Variants in CACNA2D1 observed in about 807,000 individuals in gnomAD.
CACNA2D1 encodes calcium voltage-gated channel auxiliary subunit alpha2delta 1.
CACNA2D1 carries 53 observed loss-of-function variants against 171.5 expected under a neutral mutation model. The observed-to-expected ratio is 0.31, with a 90% confidence interval of 0.25 to 0.39. The LOEUF (loss-of-function observed/expected upper bound fraction) is 0.39, where lower values mean the gene tolerates loss of function less well. Ranked by LOEUF, CACNA2D1 falls within the 10% of genes least tolerant of loss-of-function variation. CACNA2D1 has a pLI of 1.00. For missense variants in CACNA2D1, 903 were observed against 1,299.8 expected, an observed-to-expected ratio of 0.69 and a Z score of 4.69; for synonymous variants, 442 against 443.1, an observed-to-expected ratio of 1.00 and a Z score of 0.03.
intron 1 of CACNA2D1, among the ~76,000 whole-genome samples, chr7:82,417,183 T>TG (rs1828265439): frequency 6.6e-6 from 1 of 152,286 alleles, no homozygotes; most frequent in South Asian, 2.1e-4. Flanking sequence ...GATGTATTAG[T>TG]GAGATAGCCT....
intron 7 of CACNA2D1, among the ~76,000 whole-genome samples, chr7:82,068,301 C>A (rs1296286489): frequency 6.6e-6 from 1 of 152,040 alleles, no homozygotes; most frequent in African/African-American, 2.4e-5. Context: ...CAAGGAAAGA[C>A]CTGGAACCTC....
chr7:82,391,019 T>C (rs1825060151), intron 1 of CACNA2D1, among the ~76,000 whole-genome samples: 1 of 151,940 alleles, frequency 6.6e-6, no homozygotes, highest in Non-Finnish European at 1.5e-5. Context: ...GTAGACAGTG[T>C]GGAAAGGCAG....
At chr7:81,956,324 G>T (rs1048711085) in intron 38 of CACNA2D1, among the ~76,000 whole-genome samples, 1 of 151,888 alleles carries the variant, frequency 6.6e-6, no homozygotes, top group Non-Finnish European at 1.5e-5. Context: ...GCCTACTCAA[G>T]AGCAATACTT....
At position 81,961,937 on chromosome 7, in the gene CACNA2D1, T is replaced by C. The variant is rs1331324030; in HGVS notation, c.2923A>G (p.Ser975Gly). Residue 975 changes from serine (S) to glycine (G), a missense_variant, in exon 36 of 39, where the codon AGT becomes GGT. By Grantham distance (56) the Ser-to-Gly change is moderately conservative. Transcript: ENST00000356860. ...EQTQYFFDND[S>G]KSFSGVLDCG... ...TCTAATACACCACTGAATGATTTAC[T>C]GTCGTTATCGAAGAAATACTGGGTT... 9 of 1,611,454 alleles carry C rather than the reference T, an allele frequency of 5.6e-6. No individual in the cohort carries two copies. Among genetic ancestry groups the C allele is most frequent in the South Asian group, 3.3e-5 (3 of 91,030 alleles).
chr7:82,178,442 T>G (rs1197841703), intron 3 of CACNA2D1, among the ~76,000 whole-genome samples: 1 of 152,100 alleles, frequency 6.6e-6, no homozygotes, highest in Non-Finnish European at 1.5e-5. Context: ...GTTGTCCAAA[T>G]GAATATAATT....
chr7:82,306,170 T>C (rs1171943897), intron 3 of CACNA2D1, among the ~76,000 whole-genome samples: 1 of 152,200 alleles, frequency 6.6e-6, no homozygotes, highest in African/African-American at 2.4e-5. Flanking sequence ...TTGTTTTATG[T>C]CCCTGAGAGT....
At chr7:82,310,051 A>G (rs1268328952) in intron 3 of CACNA2D1, among the ~76,000 whole-genome samples, 1 of 152,150 alleles carries the variant, frequency 6.6e-6, no homozygotes, top group East Asian at 1.9e-4. Context: ...ATGCTTTAAC[A>G]TCTTATTTTT....
intron 20 of CACNA2D1, among the ~76,000 whole-genome samples, chr7:81,991,776 A>G (rs1257574173): frequency 6.6e-6 from 1 of 152,156 alleles, no homozygotes; most frequent in Non-Finnish European, 1.5e-5. Context: ...AAGGAAGTTC[A>G]TGCATGGCTC....
chr7:82,233,861 T>C (rs1404647617), intron 3 of CACNA2D1, among the ~76,000 whole-genome samples: 1 of 152,154 alleles, frequency 6.6e-6, no homozygotes, highest in Non-Finnish European at 1.5e-5. Context: ...TTTCACATGC[T>C]ATTTTAGAAG....
chr7:82,170,219 G>A (rs1056062638), intron 4 of CACNA2D1, among the ~76,000 whole-genome samples: 7 of 151,586 alleles, frequency 4.6e-5, no homozygotes, highest in East Asian at 3.9e-4. Context: ...TCATAATATC[G>A]ACAAAAATTA....
chr7:82,066,088 T>C (rs1176216876), intron 8 of CACNA2D1, among the ~76,000 whole-genome samples: 3 of 152,116 alleles, frequency 2.0e-5, no homozygotes, highest in Admixed American at 6.6e-5. Flanking sequence ...TTCTCATTAG[T>C]TCACTGCCAG....
chr7:82,096,839 TAA>T (rs1227893344), intron 6 of CACNA2D1, among the ~76,000 whole-genome samples: 4 of 152,020 alleles, frequency 2.6e-5, no homozygotes, highest in Non-Finnish European at 5.9e-5. Flanking sequence ...CACTATTTAA[TAA>T]TTCTTCATAA....
chr7:82,195,993 C>T (rs78162300), intron 3 of CACNA2D1, among the ~76,000 whole-genome samples: 2,181 of 152,114 alleles, frequency 0.014, 45 homozygotes, highest in African/African-American at 0.05. Flanking sequence ...AATGTAGTCA[C>T]TGAGCAATTG....
chr7:81,959,592 G>A (rs1584177056), intron 37 of CACNA2D1, 128 bp downstream of exon 37: 4 of 1,045,056 alleles, frequency 3.8e-6, no homozygotes, highest in Non-Finnish European at 4.3e-6. Flanking sequence ...GTGAGGAATC[G>A]ATTCTGCCTT....
chr7:82,085,368 T>C (rs887327035), intron 6 of CACNA2D1, among the ~76,000 whole-genome samples: 6 of 151,974 alleles, frequency 3.9e-5, no homozygotes, highest in African/African-American at 1.2e-4. Flanking sequence ...CTGTGACACA[T>C]AGAATATGAG....
chr7:82,090,153 C>T (rs1810979045), intron 6 of CACNA2D1, among the ~76,000 whole-genome samples: 1 of 151,476 alleles, frequency 6.6e-6, no homozygotes, highest in Non-Finnish European at 1.5e-5. Flanking sequence ...TAAGATCTAT[C>T]CCTCCTAGAA....
chr7:82,411,954 C>CA (rs967000473), intron 1 of CACNA2D1, among the ~76,000 whole-genome samples: 3 of 151,182 alleles, frequency 2.0e-5, no homozygotes, highest in African/African-American at 4.9e-5. Context: ...TGCAAATCCC[C>CA]AAAAAACCCT....
At chr7:82,122,928 G>A (rs577201135) in intron 5 of CACNA2D1, among the ~76,000 whole-genome samples, 5 of 152,296 alleles carry the variant, frequency 3.3e-5, no homozygotes, top group South Asian at 2.1e-4. Context: ...TGAAAGGTAC[G>A]AAGATCAATG....
At chr7:82,161,116 T>C (rs958644571) in intron 4 of CACNA2D1, among the ~76,000 whole-genome samples, 3 of 152,058 alleles carry the variant, frequency 2.0e-5, no homozygotes, top group Admixed American at 1.3e-4. Context: ...TTAAAAAAGC[T>C]TCATCTGATG....
Sources: allele counts gnomAD v4.1 joint callset (sites outside exome capture counted in the v4.1 genomes callset), GRCh38; gene constraint gnomAD v4.1.1; transcripts MANE v1.5; gene names NCBI Gene and HGNC (gene_info 2026-07-23, HGNC 2026-07-21).